The following ATP8A2 variants were observed in gnomAD, a reference collection of about 807,000 sequenced individuals.
The protein encoded by ATP8A2 is phospholipid-transporting ATPase IB.
ATP8A2 carries 100 observed loss-of-function variants against 165.6 expected under a neutral mutation model. The ratio of observed to expected loss-of-function variants is 0.60; its 90% CI spans 0.51 to 0.71. The LOEUF is 0.71. Among genes scored for constraint, ATP8A2 ranks in the 30% least tolerant of loss-of-function variants. The pLI is 0.00. For synonymous variants in ATP8A2, 543 were observed against 548.8 expected, an observed-to-expected ratio of 0.99 and a Z score of 0.15; for missense variants, 1,227 against 1,479.5, an observed-to-expected ratio of 0.83 and a Z score of 2.80.
In ATP8A2 at chr13:25,839,406, T is replaced by TC; in HGVS notation, c.2878-139dup. The TC allele has an allele frequency of 4.8e-6, 3 of 627,852 alleles. No individual in the cohort carries two copies. The South Asian group carries it at 6.3e-5, about 13-fold the overall frequency. The allele number at this position is 627,852 out of a possible 1,614,324, so 38.9% of individuals were successfully genotyped here. A position where few individuals can be genotyped will look rare whatever the true frequency, so the allele number is the denominator to read the frequency against. On this transcript the variant is annotated intron_variant, in intron 29 of 36. Transcript: ENST00000381655. ...TCGATTTGGGTGGGTTTTTTTTTTT[T>TC]CAAATTCAAGAATAATATGCTACTC...
Position 25,638,900 on chromosome 13 carries a change from C to T in ATP8A2, c.2211+49201C>T, listed in dbSNP as rs1212950649. ...AAAGAGAAACCCATCAGACTAACAG[C>T]GGATCTCTTGGCAGAAACTCTACAA... On this transcript the variant is annotated intron_variant, in intron 24 of 36. Coordinates refer to ENST00000381655, the MANE Select transcript of ATP8A2 (RefSeq NM_016529.6). Among the ~76,000 whole-genome samples, 9 of 152,226 alleles carry T rather than the reference C, an allele frequency of 5.9e-5. No homozygotes were observed. The South Asian group carries it at 1.2e-3, about 21-fold the overall frequency.
intron 25 of ATP8A2, among the ~76,000 whole-genome samples, chr13:25,710,873 C>T (rs2137977129): frequency 6.6e-6 from 1 of 152,298 alleles, no homozygotes; most frequent in African/African-American, 2.4e-5. Flanking sequence ...TCGTGATGTC[C>T]AGACCCTCTG....
chr13:25,521,569 T>G (rs904565595), intron 2 of ATP8A2, among the ~76,000 whole-genome samples: 1 of 152,108 alleles, frequency 6.6e-6, no homozygotes. Context: ...GAGATAGGGG[T>G]CTAGATTTCT....
intron 1 of ATP8A2, among the ~76,000 whole-genome samples, chr13:25,456,684 G>T (rs1055314881): frequency 6.6e-6 from 1 of 152,216 alleles, no homozygotes; most frequent in African/African-American, 2.4e-5. Flanking sequence ...AGCTGTCTTA[G>T]TTATTTCCAC....
At chr13:25,860,334 G>T in intron 31 of ATP8A2, 78 bp downstream of exon 31, 2 of 764,950 alleles carry the variant, frequency 2.6e-6, no homozygotes, top group South Asian at 1.8e-5. Flanking sequence ...CTTAAAAAGG[G>T]CCTTCCTCAT....
At chr13:25,744,160 G>A (rs1236685278) in intron 25 of ATP8A2, among the ~76,000 whole-genome samples, 1 of 152,160 alleles carries the variant, frequency 6.6e-6, no homozygotes, top group East Asian at 1.9e-4. Flanking sequence ...TTTGGCAATT[G>A]CCCGATTCTT....
At chr13:25,510,164 G>T (rs927061881) in intron 2 of ATP8A2, among the ~76,000 whole-genome samples, 1 of 142,178 alleles carries the variant, frequency 7.0e-6, no homozygotes, top group Non-Finnish European at 1.5e-5. Context: ...GTCTGTTCCC[G>T]TCTGTCTGTA....
At chr13:25,762,815 A>T (rs1401748896) in intron 25 of ATP8A2, among the ~76,000 whole-genome samples, 1 of 152,238 alleles carries the variant, frequency 6.6e-6, no homozygotes, top group Non-Finnish European at 1.5e-5. Context: ...CATGATGGAT[A>T]TAACCAATTA....
At chr13:25,710,453 G>A (rs557323515) in intron 25 of ATP8A2, among the ~76,000 whole-genome samples, 2 of 152,276 alleles carry the variant, frequency 1.3e-5, no homozygotes, top group African/African-American at 4.8e-5. Context: ...CTGGTACCCA[G>A]CATTCTACTT....
In ATP8A2 at chr13:25,439,255, C is replaced by T. The variant is rs142108264; in HGVS notation, c.77-29722C>T. ...CAGGGGCTGTCAGCCAGGCTGGTGG[C>T]CTTGGTGCCTGCAGGGTGTGCCTAA... On this transcript the variant is annotated intron_variant, in intron 1 of 36. Transcript: ENST00000381655. Among the ~76,000 whole-genome samples the T allele has an allele frequency of 3.3e-3, 502 of 152,210 alleles. 8 individuals carry two copies. Among genetic ancestry groups the T allele is most frequent in the African/African-American group, 0.012 (483 of 41,522 alleles).
At chr13:25,923,703 A>C (rs975494287) in intron 33 of ATP8A2, among the ~76,000 whole-genome samples, 1 of 152,102 alleles carries the variant, frequency 6.6e-6, no homozygotes, top group Non-Finnish European at 1.5e-5. Flanking sequence ...ATAAAAAAAA[A>C]TGGACATGAA....
chr13:25,630,858 G>T (rs534789356), intron 24 of ATP8A2, among the ~76,000 whole-genome samples: 48 of 152,062 alleles, frequency 3.2e-4, no homozygotes, highest in African/African-American at 1.1e-3. Context: ...CTTAGGGTCC[G>T]CTTTCTCATC....
chr13:25,532,668 G>A (rs2038152790), intron 5 of ATP8A2, among the ~76,000 whole-genome samples: 1 of 151,806 alleles, frequency 6.6e-6, no homozygotes, highest in South Asian at 2.1e-4. Flanking sequence ...TTTTTTGTTT[G>A]TTTGTTTCAT....
At chr13:25,662,058 T>C (rs1461369593) in intron 24 of ATP8A2, among the ~76,000 whole-genome samples, 1 of 152,192 alleles carries the variant, frequency 6.6e-6, no homozygotes, top group Non-Finnish European at 1.5e-5. Context: ...TTTCTAGCTC[T>C]CTGACCAGGA....
At chr13:25,737,962 G>A (rs567999359) in intron 25 of ATP8A2, among the ~76,000 whole-genome samples, 1 of 152,162 alleles carries the variant, frequency 6.6e-6, no homozygotes, top group African/African-American at 2.4e-5. Context: ...GGGATTACAG[G>A]CGTGAGCCAT....
chr13:25,832,322 AT>A (rs549128622), intron 28 of ATP8A2, among the ~76,000 whole-genome samples: 48 of 152,204 alleles, frequency 3.2e-4, no homozygotes, highest in Non-Finnish European at 6.5e-4. Context: ...GCTAAATTTT[AT>A]GTCTTTTATA....
chr13:25,415,796 G>T (rs1035670241), intron 1 of ATP8A2, among the ~76,000 whole-genome samples: 1 of 152,054 alleles, frequency 6.6e-6, no homozygotes, highest in Non-Finnish European at 1.5e-5. Flanking sequence ...ACATCTAAAG[G>T]TGGTCTCCTT....
At chr13:25,928,942 G>A (rs948317777) in intron 33 of ATP8A2, among the ~76,000 whole-genome samples, 2 of 152,152 alleles carry the variant, frequency 1.3e-5, no homozygotes, top group Non-Finnish European at 2.9e-5. Flanking sequence ...GTGCTGAGTC[G>A]CAGTCAAAAC....
chr13:25,840,476 G>GA, intron 30 of ATP8A2, among the ~76,000 whole-genome samples: 1 of 150,454 alleles, frequency 6.6e-6, no homozygotes, highest in Non-Finnish European at 1.5e-5. Flanking sequence ...TACTGACAGA[G>GA]AAAATGCATG....
Sources: allele counts gnomAD v4.1 joint callset (sites outside exome capture counted in the v4.1 genomes callset), GRCh38; gene constraint gnomAD v4.1.1; transcripts MANE v1.5; gene names NCBI Gene and HGNC (gene_info 2026-07-23, HGNC 2026-07-21).